ZNF14: variants seen among roughly 807,000 people sequenced by gnomAD.
ZNF14 encodes the protein zinc finger protein 14.
A neutral mutation model predicts 11.3 loss-of-function variants in ZNF14; 9 were observed. The observed-to-expected ratio is 0.80, with a 90% confidence interval of 0.48 to 1.39. The LOEUF is 1.39. Among genes scored for constraint, ZNF14 ranks in the 40% most tolerant of loss-of-function variants. The pLI is 0.00. For missense variants in ZNF14, 711 were observed against 763.9 expected, an observed-to-expected ratio of 0.93 and a Z score of 0.82; for synonymous variants, 239 against 245.7, an observed-to-expected ratio of 0.97 and a Z score of 0.25.
Position 19,711,257 on chromosome 19 carries a change from T to G in ZNF14, c.*95A>C. The stretch of plus-strand genomic sequence containing the variant: ...GGAACAATTAAGGGCTTTAGAACAA[T>G]GTTTGTATTCACACAGCTTCTGTCC... On this transcript the variant is annotated 3_prime_UTR_variant, in exon 4 of 4. Transcript: ENST00000344099. 7.3e-7 allele frequency: 1 copy of G among 1,375,152 alleles called. No individual in the cohort carries two copies. Among genetic ancestry groups the G allele is most frequent in the Non-Finnish European group, 9.8e-7 (1 of 1,020,270 alleles). The allele number at this position is 1,375,152 out of a possible 1,614,324, so 85.2% of individuals were successfully genotyped here.
chr19:19,732,038 C>T (rs1264044082), intron 1 of ZNF14, among the ~76,000 whole-genome samples: 2 of 152,196 alleles, frequency 1.3e-5, no homozygotes, highest in Admixed American at 6.5e-5. Context: ...TGCACTCCAT[C>T]CCGGGCGACA....
chr19:19,729,203 C>T (rs557789738), intron 1 of ZNF14, among the ~76,000 whole-genome samples: 1 of 152,160 alleles, frequency 6.6e-6, no homozygotes, highest in South Asian at 2.1e-4. Context: ...GTCTGGAACT[C>T]CTAACCTCGT....
chr19:19,729,267 T>C (rs1444234790), intron 1 of ZNF14, among the ~76,000 whole-genome samples: 1 of 150,826 alleles, frequency 6.6e-6, no homozygotes, highest in Non-Finnish European at 1.5e-5. Context: ...TGAGCCATTG[T>C]GCCTGGCCCA....
intron 1 of ZNF14, among the ~76,000 whole-genome samples, chr19:19,719,285 G>T (rs1004246289): frequency 6.6e-6 from 1 of 152,110 alleles, no homozygotes; most frequent in Non-Finnish European, 1.5e-5. Context: ...AAAGAAAAAC[G>T]ATAAAGAAGG....
rs2062409452 is a variant in ZNF14 at position 19,727,429 on chromosome 19, C to T, written c.3+5527G>A. On this transcript the variant is annotated intron_variant, in intron 1 of 3. Transcript: ENST00000344099. ...GGGATTATAGGTGTGAGGCAATGCA[C>T]GCAGCCTAAAATATTTTAGAATATA... is the stretch of plus-strand genomic sequence containing the variant. Among the ~76,000 whole-genome samples, 2 of 131,670 alleles carry T rather than the reference C, an allele frequency of 1.5e-5. 1 individual carries two copies. The highest frequency in any genetic ancestry group is 3.4e-5 in the Non-Finnish European group (2 of 59,658). The allele number at this position is 131,670 out of a possible 152,430, so 86.4% of individuals were successfully genotyped here.
In ZNF14 at chr19:19,726,257, T is replaced by C. The variant is rs144747699; in HGVS notation, c.3+6699A>G. Among the ~76,000 whole-genome samples, 247 of 134,574 alleles carry C rather than the reference T, an allele frequency of 1.8e-3. 46 individuals are homozygous for C. Among genetic ancestry groups the C allele is most frequent in the East Asian group, 8.8e-3 (42 of 4,746 alleles). 88.3% of individuals were successfully genotyped at this position (134,574 alleles called of 152,430 possible). A position where few individuals can be genotyped will look rare whatever the true frequency, so the allele number is the denominator to read the frequency against. On this transcript the variant is annotated intron_variant, in intron 1 of 3. Coordinates refer to ENST00000344099, the MANE Select transcript of ZNF14 (RefSeq NM_021030.3). Reference sequence around the variant, plus strand: ...GTCTTTGATGATGGTGACGTACAAATGGGGTTTTGGTGTGGATGTCCTTTC... The same window carrying C: ...GTCTTTGATGATGGTGACGTACAAACGGGGTTTTGGTGTGGATGTCCTTTC...
chr19:19,712,247 T>TTGAA lies in ZNF14; in HGVS notation c.1030_1033dup (p.Asn345IlefsTer5), dbSNP rs2062363343. ...ATGCACTCGACAGGAATTAGAAGAG[T>TTGAA]TGAAGGCTTTCCCACATTCTTTACA... On this transcript the variant is annotated frameshift_variant, in exon 4 of 4. Transcript: ENST00000344099. LOFTEE classifies it low-confidence loss of function (END_TRUNC). 1 of 1,613,462 alleles carries TTGAA rather than the reference T, an allele frequency of 6.2e-7. No homozygotes were observed.
intron 1 of ZNF14, among the ~76,000 whole-genome samples, chr19:19,721,746 G>A (rs1368517784): frequency 1.5e-4 from 23 of 152,100 alleles, no homozygotes; most frequent in Non-Finnish European, 3.4e-4. Context: ...TGGATCACCT[G>A]AGGTCAGGAG....
Position 19,720,998 on chromosome 19 carries a change from C to T in ZNF14, c.4-6511G>A, listed in dbSNP as rs2062391704. On this transcript the variant is annotated intron_variant, in intron 1 of 3. Coordinates refer to ENST00000344099, the MANE Select transcript of ZNF14 (RefSeq NM_021030.3). This position sits in a 1 kb window ranked among gnomAD's most constrained non-coding sequence, Gnocchi z 4.1. ...TTTGAGACAGAGTCTTGCTCTGTCACTCAGGTTGGAGCGCAGTGGCGCGAT... is the reference window on the plus strand; with the variant it reads ...TTTGAGACAGAGTCTTGCTCTGTCATTCAGGTTGGAGCGCAGTGGCGCGAT... Among the ~76,000 whole-genome samples, 1 of 152,218 alleles carries T rather than the reference C, an allele frequency of 6.6e-6. No individual in the cohort carries two copies. The highest frequency in any genetic ancestry group is 2.1e-4 in the South Asian group (1 of 4,832).
chr19:19,722,994 G>A (rs1202545692), intron 1 of ZNF14, among the ~76,000 whole-genome samples: 6 of 152,168 alleles, frequency 3.9e-5, no homozygotes, highest in East Asian at 1.9e-4. Context: ...GGGCTGAGAC[G>A]ATGGGTTTTC....
intron 1 of ZNF14, among the ~76,000 whole-genome samples, chr19:19,718,497 T>C (rs539767034): frequency 8.7e-4 from 132 of 151,276 alleles, no homozygotes; most frequent in African/African-American, 3.1e-3. Context: ...TGTCAGAAAA[T>C]TACAAAAAGT....
At chr19:19,719,615 G>C (rs1323746657) in intron 1 of ZNF14, among the ~76,000 whole-genome samples, 1 of 152,108 alleles carries the variant, frequency 6.6e-6, no homozygotes, top group Non-Finnish European at 1.5e-5. Context: ...GTGCTAAGTG[G>C]GGAGAAAAAT....
At position 19,721,653 on chromosome 19, in the gene ZNF14, G is replaced by A. The variant is rs535910354; in HGVS notation, c.4-7166C>T. Among the ~76,000 whole-genome samples the A allele has an allele frequency of 3.9e-5, 6 of 152,120 alleles. No individual in the cohort carries two copies. The East Asian group carries it at 1.2e-3, about 29-fold the overall frequency. ...CCTGTAGCCATCACTGGAATAACTCGTTTACTTGCTTAAGAACAACAACCT... is the reference window on the plus strand; with the variant it reads ...CCTGTAGCCATCACTGGAATAACTCATTTACTTGCTTAAGAACAACAACCT... On this transcript the variant is annotated intron_variant, in intron 1 of 3. Coordinates refer to ENST00000344099, the MANE Select transcript of ZNF14 (RefSeq NM_021030.3).
chr19:19,716,275 G>T (rs1026481841), intron 1 of ZNF14, among the ~76,000 whole-genome samples: 1 of 147,030 alleles, frequency 6.8e-6, no homozygotes, highest in Admixed American at 6.8e-5. Context: ...GGAGGAATGA[G>T]ATTTTATTTT....
chr19:19,719,740 C>A (rs1219328932), intron 1 of ZNF14, among the ~76,000 whole-genome samples: 1 of 152,034 alleles, frequency 6.6e-6, no homozygotes, highest in Non-Finnish European at 1.5e-5. Flanking sequence ...GACATTAATA[C>A]AACTAAATCA....
At chr19:19,724,912 T>C (rs2062402773) in intron 1 of ZNF14, among the ~76,000 whole-genome samples, 1 of 133,072 alleles carries the variant, frequency 7.5e-6, no homozygotes, top group Non-Finnish European at 1.7e-5. Context: ...ACCCCTACTT[T>C]TGTTTGTTTT....
rs2062356769 is a variant in ZNF14, at chr19:19,710,833, T to TC, written c.*518dup. 6.5e-6 allele frequency: 1 copy of TC among 154,298 alleles called. No individual in the cohort carries two copies. Among genetic ancestry groups the TC allele is most frequent in the Admixed American group, 6.4e-5 (1 of 15,572 alleles). The allele number at this position is 154,298 out of a possible 1,614,324, so 9.6% of individuals were successfully genotyped here. A position where few individuals can be genotyped will look rare whatever the true frequency, so the allele number is the denominator to read the frequency against. On this transcript the variant is annotated 3_prime_UTR_variant, in exon 4 of 4. Transcript: ENST00000344099. ...CACAGGCTGGAATGCAGTGGCGTGA[T>TC]CTCAGCTCACTGCAACCTCTGTCTC...
intron 3 of ZNF14, among the ~76,000 whole-genome samples, 172 bp from the exon 4 acceptor site, chr19:19,713,261 T>C (rs760817997): frequency 2.1e-4 from 32 of 152,172 alleles, no homozygotes; most frequent in Non-Finnish European, 2.9e-4. Context: ...CAACCATAGT[T>C]ATGATCAAAA....
Position 19,711,142 on chromosome 19 carries a change from A to T in ZNF14, c.*210T>A. 1 of 494,940 alleles carries T rather than the reference A, an allele frequency of 2.0e-6. No individual in the cohort carries two copies. Among genetic ancestry groups the T allele is most frequent in the Non-Finnish European group, 3.4e-6 (1 of 297,456 alleles). The allele number at this position is 494,940 out of a possible 1,614,324, so 30.7% of individuals were successfully genotyped here. ...ACTGCAGCACGAGTCCTGTCTTTGAAATGAATTAGGTCAACTGAAGGCTTA... is the reference window on the plus strand; with the variant it reads ...ACTGCAGCACGAGTCCTGTCTTTGATATGAATTAGGTCAACTGAAGGCTTA... On this transcript the variant is annotated 3_prime_UTR_variant, in exon 4 of 4. Coordinates refer to ENST00000344099, the MANE Select transcript of ZNF14 (RefSeq NM_021030.3).
Sources: gnomAD v4.1 joint callset for allele counts (sites outside exome capture counted in the v4.1 genomes callset) on GRCh38, gnomAD v4.1.1 for gene constraint, Gnocchi (gnomAD v3.1) non-coding constraint, MANE v1.5 for transcripts, NCBI Gene and HGNC (gene_info 2026-07-23, HGNC 2026-07-21) for gene names.